The following CCDC194 variants were observed in gnomAD, a reference collection of about 807,000 sequenced individuals.
CCDC194 encodes the protein coiled-coil domain containing 194.
A neutral mutation model predicts 4.9 loss-of-function variants in CCDC194; 8 were observed. The observed-to-expected ratio is 1.65, with a 90% CI of 0.97 to 2.97. CCDC194 has a LOEUF of 2.97. Ranked by LOEUF, CCDC194 falls within the 30% of genes most tolerant of loss-of-function variation. The pLI, the probability that CCDC194 is intolerant of heterozygous loss-of-function variation, is 0.00. For missense variants in CCDC194, 52 were observed against 43.1 expected, an observed-to-expected ratio of 1.21 and a Z score of -0.58; for synonymous variants, 13 against 17.0, an observed-to-expected ratio of 0.76 and a Z score of 0.58.
chr19:17,388,736 C>A (rs2074644358), downstream of CCDC194, among the ~76,000 whole-genome samples: 1 of 152,096 alleles, frequency 6.6e-6, no homozygotes, highest in Non-Finnish European at 1.5e-5. Context: ...CTTCAGGGCT[C>A]AAGAGATCCT....
In CCDC194 at chr19:17,390,537, C is replaced by G. The variant is rs367743583; in HGVS notation, c.677G>C (p.Arg226Pro). 5 of 395,444 alleles carry G rather than the reference C, an allele frequency of 1.3e-5. No individual in the cohort carries two copies. The highest frequency in any genetic ancestry group is 3.6e-5 in the East Asian group (1 of 27,876). 24.5% of individuals were successfully genotyped at this position (395,444 alleles called of 1,614,324 possible). The change falls in exon 4 of 4, where the codon CGG becomes CCG. Residue 226 changes from arginine (R) to proline (P), a missense_variant. Coordinates refer to ENST00000636079, the Ensembl canonical transcript of CCDC194. This position sits in a 1 kb window ranked among gnomAD's most constrained non-coding sequence, Gnocchi z 5.5. ...CCCTCGTGCGCGCCGCGCCGGCCGCCGGCAGCCCCCGGAGGGTCCGGAGCG... is the reference window on the plus strand; with the variant it reads ...CCCTCGTGCGCGCCGCGCCGGCCGCGGGCAGCCCCCGGAGGGTCCGGAGCG...
chr19:17,393,278 G>T (rs2074661478), intron 1 of CCDC194, among the ~76,000 whole-genome samples: 1 of 152,092 alleles, frequency 6.6e-6, no homozygotes, highest in South Asian at 2.1e-4. Context: ...CTGGAAACTG[G>T]CTGGAGTGGG....
In CCDC194 at chr19:17,394,134, C is replaced by T. The variant is rs577493128; in HGVS notation, c.25G>A (p.Gly9Arg). The change falls in exon 1 of 4, where the codon GGG becomes AGG. Residue 9 changes from glycine (G) to arginine (R), a missense_variant. Physicochemically the swap from Gly to Arg is moderately radical, Grantham distance 125. Transcript: ENST00000636079. ...AGGGCGAGCACCCGCCAGGCACGCC[C>T]GGGCTCCGGCCCCGGCTCGGCCATG... 457 of 392,644 alleles carry T rather than the reference C, an allele frequency of 1.2e-3. 2 individuals are homozygous for T. Among genetic ancestry groups the T allele is most frequent in the Non-Finnish European group, 1.9e-3 (422 of 222,180 alleles). 24.3% of individuals were successfully genotyped at this position (392,644 alleles called of 1,614,324 possible).
At chr19:17,390,453 A>ACC (rs11326071), downstream of CCDC194, 1,608 of 371,156 alleles carry the variant, frequency 4.3e-3, 25 homozygotes, top group African/African-American at 0.033. This position sits in a 1 kb window ranked among gnomAD's most constrained non-coding sequence, Gnocchi z 5.5. Context: ...GTCCCCGCAG[A>ACC]CCCCCCCCCC....
At chr19:17,391,890 AGG>A in intron 1 of CCDC194, 44 bp from the exon 2 acceptor site, 3 of 1,440,820 alleles carry the variant, frequency 2.1e-6, no homozygotes, top group Non-Finnish European at 9.1e-7. Flanking sequence ...GGCAGAGGAG[AGG>A]AGGAGTGATT....
downstream of CCDC194, among the ~76,000 whole-genome samples, chr19:17,388,828 G>A (rs1419637047): frequency 6.6e-6 from 1 of 151,550 alleles, no homozygotes; most frequent in African/African-American, 2.4e-5. Flanking sequence ...TTTTTTTATA[G>A]CTTTAATTTT....
At position 17,392,358 on chromosome 19, in the gene CCDC194, C is replaced by G. The variant is rs983002154; in HGVS notation, c.325-512G>C. ...GTGTGTGGTGGTGGGCGCCTGTAAT[C>G]CCAGCTCCTCAGGAGGCTGAGACAG... On this transcript the variant is annotated intron_variant, in intron 1 of 3. Transcript: ENST00000636079. 2.0e-5 allele frequency: 3 copies of G among 151,440 alleles called. No homozygotes were observed. In the South Asian group the frequency reaches 6.2e-4, roughly 31 times the overall value. 9.4% of individuals were successfully genotyped at this position (151,440 alleles called of 1,614,324 possible).
downstream of CCDC194, among the ~76,000 whole-genome samples, chr19:17,387,403 A>G (rs11878596): frequency 4.8e-3 from 726 of 151,458 alleles, 10 homozygotes; most frequent in African/African-American, 0.017. Context: ...CCCCTCCCCA[A>G]GCCCTACACA....
chr19:17,391,196 C>T lies in CCDC194; in HGVS notation c.554+15G>A. 2.5e-6 allele frequency: 1 copy of T among 398,476 alleles called. No homozygotes were observed. Among genetic ancestry groups the T allele is most frequent in the East Asian group, 3.6e-5 (1 of 28,006 alleles). 24.7% of individuals were successfully genotyped at this position (398,476 alleles called of 1,614,324 possible). ...CGTCCATCCGACCCCGCCCTCGGGC[C>T]AGCCCCTCACTCACAGGCGTTCGCG... On this transcript the variant is annotated intron_variant, in intron 3 of 3. Coordinates refer to ENST00000636079, the Ensembl canonical transcript of CCDC194.
At position 17,390,512 on chromosome 19, in the gene CCDC194, C is replaced by T. The variant is rs1431479012; in HGVS notation, c.702G>A (p.Gly234=). The change falls in exon 4 of 4, where the codon GGG becomes GGA. Residue 234 remains glycine (G), a synonymous_variant. Transcript: ENST00000636079. The surrounding 1 kb of genome is among the most constrained non-coding windows in gnomAD (Gnocchi z 5.5). ...CCCCTTCCGGCAGGGGGCCGACTCA[C>T]CCTCGTGCGCGCCGCGCCGGCCGCC... The T allele has an allele frequency of 5.1e-6, 2 of 393,560 alleles. No individual in the cohort carries two copies. Among genetic ancestry groups the T allele is most frequent in the African/African-American group, 2.1e-5 (1 of 48,318 alleles). 24.4% of individuals were successfully genotyped at this position (393,560 alleles called of 1,614,324 possible).
downstream of CCDC194, among the ~76,000 whole-genome samples, chr19:17,388,771 G>A (rs2074644475): frequency 6.6e-6 from 1 of 152,034 alleles, no homozygotes; most frequent in Non-Finnish European, 1.5e-5. Context: ...CCAAAGTATT[G>A]GGCTTACAGG....
At chr19:17,391,375 G>A in intron 2 of CCDC194, 32 bp from the exon 3 acceptor site, 1 of 493,618 alleles carries the variant, frequency 2.0e-6, no homozygotes, top group South Asian at 3.1e-5. Context: ...TCAGGCTGGA[G>A]ACTCCCGCGC....
intron 1 of CCDC194, among the ~76,000 whole-genome samples, chr19:17,392,791 C>G (rs1259426270): frequency 6.6e-6 from 1 of 152,234 alleles, no homozygotes; most frequent in African/African-American, 2.4e-5. Context: ...GTGGTGGGAT[C>G]TCAGCTCACT....
At chr19:17,390,453 AC>A (rs11326071), downstream of CCDC194, 309,933 of 368,582 alleles carry the variant, frequency 0.84, 130,222 homozygotes, top group Non-Finnish European at 0.91. The surrounding 1 kb of genome is among the most constrained non-coding windows in gnomAD (Gnocchi z 5.5). Flanking sequence ...GTCCCCGCAG[AC>A]CCCCCCCCCA....
At position 17,390,671 on chromosome 19, in the gene CCDC194, G is replaced by T. The variant is rs1420143012; in HGVS notation, c.555-12C>A. On this transcript the variant is annotated splice_polypyrimidine_tract_variant and intron_variant, in intron 3 of 3. Transcript: ENST00000636079. This position sits in a 1 kb window ranked among gnomAD's most constrained non-coding sequence, Gnocchi z 5.5. ...CTTCCAGGACGTTACTGCCGGGAAG[G>T]GGGAAGGGGGCTGTCAGCCTCTGGA... 2.5e-6 allele frequency: 1 copy of T among 397,948 alleles called. No homozygotes were observed. Among genetic ancestry groups the T allele is most frequent in the Non-Finnish European group, 4.4e-6 (1 of 225,592 alleles). The allele number at this position is 397,948 out of a possible 1,614,324, so 24.7% of individuals were successfully genotyped here. A position where few individuals can be genotyped will look rare whatever the true frequency, so the allele number is the denominator to read the frequency against.
In CCDC194 at chr19:17,391,352, G is replaced by T. The variant is rs1221845460; in HGVS notation, c.422-9C>A. 2.2e-6 allele frequency: 1 copy of T among 445,908 alleles called. No individual in the cohort carries two copies. Among genetic ancestry groups the T allele is most frequent in the Non-Finnish European group, 3.9e-6 (1 of 255,294 alleles). 27.6% of individuals were successfully genotyped at this position (445,908 alleles called of 1,614,324 possible). A position where few individuals can be genotyped will look rare whatever the true frequency, so the allele number is the denominator to read the frequency against. ...CCAGCGCGCCAGGGCCTCTGGGGGC[G>T]CAGGGAGCCGGGTCAGGCTGGAGAC... is the stretch of plus-strand genomic sequence containing the variant. On this transcript the variant is annotated splice_polypyrimidine_tract_variant and intron_variant, in intron 2 of 3. Coordinates refer to ENST00000636079, the Ensembl canonical transcript of CCDC194.
At chr19:17,394,145 C>CCCGGCT (rs1276201518) in exon 1 of CCDC194, 2 of 392,146 alleles carry the variant, frequency 5.1e-6, no homozygotes, top group East Asian at 3.6e-5. Flanking sequence ...GGGCTCCGGC[C>CCCGGCT]CCGGCTCGGC....
rs540546183 is a variant in CCDC194, at chr19:17,391,219, G to T, written c.546C>A (p.Arg182=). The T allele has an allele frequency of 2.3e-5, 9 of 399,986 alleles. No individual in the cohort carries two copies. In the South Asian group the frequency reaches 8.5e-4, roughly 38 times the overall value. 24.8% of individuals were successfully genotyped at this position (399,986 alleles called of 1,614,324 possible). ...GCCAGCCCCTCACTCACAGGCGTTC[G>T]CGCAGCGCCGCCTCCCGGGCCGCAC... Residue 182 remains arginine (R), a synonymous_variant, in exon 3 of 4, where the codon CGC becomes CGA. Transcript: ENST00000636079.
At position 17,390,881 on chromosome 19, in the gene CCDC194, C is replaced by G. The variant is rs2074651602; in HGVS notation, c.555-222G>C. 6.6e-6 allele frequency among the ~76,000 whole-genome samples: 1 copy of G among 151,968 alleles called. No homozygotes were observed. Among genetic ancestry groups the G allele is most frequent in the South Asian group, 2.1e-4 (1 of 4,814 alleles). On this transcript the variant is annotated intron_variant, in intron 3 of 3. Coordinates refer to ENST00000636079, the Ensembl canonical transcript of CCDC194. This position sits in a 1 kb window ranked among gnomAD's most constrained non-coding sequence, Gnocchi z 5.5. ...CAGCTACATCCCCAGAAGCTCTGTC[C>G]CCCTACCACCAGCCTCTCCCTCGAT...
Sources: gnomAD v4.1 joint callset for allele counts (sites outside exome capture counted in the v4.1 genomes callset) on GRCh38, gnomAD v4.1.1 for gene constraint, Gnocchi (gnomAD v3.1) non-coding constraint, MANE v1.5 for transcripts, NCBI Gene and HGNC (gene_info 2026-07-23, HGNC 2026-07-21) for gene names.